Variants in SMIM27 observed in about 807,000 individuals in gnomAD.
SMIM27 encodes transition zone microprotein 1.
A neutral mutation model predicts 1.8 loss-of-function variants in SMIM27; 3 were observed. The ratio of observed to expected loss-of-function variants is 1.65; its 90% CI spans 0.75 to 4.28. The LOEUF (loss-of-function observed/expected upper bound fraction) is 4.28. Ranked by LOEUF, SMIM27 falls within the 30% of genes most tolerant of loss-of-function variation. SMIM27 has a pLI of 0.02. For synonymous variants in SMIM27, 19 were observed against 13.9 expected, an observed-to-expected ratio of 1.37 and a Z score of -0.82; for missense variants, 63 against 37.0, an observed-to-expected ratio of 1.70 and a Z score of -1.83.
chr9:32,560,425 A>T (rs925770892), intron 1 of SMIM27, among the ~76,000 whole-genome samples: 3 of 152,236 alleles, frequency 2.0e-5, no homozygotes, highest in African/African-American at 7.2e-5. Context: ...AAATTTAGAT[A>T]TGATAAAGTA....
chr9:32,551,751 C>G, upstream of SMIM27: 1 of 441,708 alleles, frequency 2.3e-6, no homozygotes, highest in Non-Finnish European at 4.6e-6. Context: ...CGCGGCAGTT[C>G]AAGAACATCA....
exon 2 of SMIM27, chr9:32,566,718 C>T: frequency 1.2e-6 from 1 of 861,210 alleles, no homozygotes; most frequent in Non-Finnish European, 2.0e-6. Flanking sequence ...ATTCCAAAAT[C>T]GGGACTCCAA....
downstream of SMIM27, chr9:32,553,844 G>A: frequency 2.2e-6 from 3 of 1,389,916 alleles, no homozygotes; most frequent in Non-Finnish European, 3.0e-6. Flanking sequence ...ACAAACTTAG[G>A]CTCATAAGCC....
At chr9:32,566,044 T>C (rs1057008847) in intron 1 of SMIM27, 1 of 359,946 alleles carries the variant, frequency 2.8e-6, no homozygotes, top group Admixed American at 4.1e-5. Flanking sequence ...TTTTTTAAGG[T>C]TTTTTCCAGG....
rs1415175825 is a variant in SMIM27 at position 32,552,487 on chromosome 9, C to T, written c.45+8C>T. ...GACTGGATTTATTCAGTGGTAAGTC[C>T]CGGGGATCGCGGGCCCCCACCGTGT... On this transcript the variant is annotated splice_region_variant and intron_variant, in intron 1 of 1. Transcript: ENST00000692500. 1 of 1,586,236 alleles carries T rather than the reference C, an allele frequency of 6.3e-7. No homozygotes were observed.
At chr9:32,565,481 A>G (rs1432949587) in intron 1 of SMIM27, 4 of 152,176 alleles carry the variant, frequency 2.6e-5, no homozygotes, top group Admixed American at 2.0e-4. Flanking sequence ...TTGTCCCTCA[A>G]ACAAGAGTGG....
downstream of SMIM27, chr9:32,553,215 G>C (rs904235457): frequency 4.5e-5 from 11 of 245,408 alleles, no homozygotes; most frequent in African/African-American, 2.1e-4. Flanking sequence ...TTTTTTTTGA[G>C]ACGGAGTCTT....
chr9:32,553,992 GGT>G (rs1454250042), downstream of SMIM27: 1 of 1,198,588 alleles, frequency 8.3e-7, no homozygotes, highest in Non-Finnish European at 1.2e-6. Flanking sequence ...AGTCTACAGA[GGT>G]GATAGTTCTA....
intron 1 of SMIM27, among the ~76,000 whole-genome samples, chr9:32,565,084 G>A (rs1292044645): frequency 6.6e-6 from 1 of 152,104 alleles, no homozygotes; most frequent in Non-Finnish European, 1.5e-5. Context: ...CTTGAGGTCA[G>A]GAGTTCAAGA....
At chr9:32,558,669 G>A (rs754894052) in intron 1 of SMIM27, among the ~76,000 whole-genome samples, 6 of 152,058 alleles carry the variant, frequency 3.9e-5, no homozygotes, top group Non-Finnish European at 8.8e-5. Context: ...CACAAAACAC[G>A]TTTTACAGCC....
intron 1 of SMIM27, among the ~76,000 whole-genome samples, chr9:32,565,970 C>T (rs1821773793): frequency 6.6e-6 from 1 of 151,766 alleles, no homozygotes; most frequent in African/African-American, 2.4e-5. Context: ...GAAACTCCAC[C>T]TACAAAAAAC....
chr9:32,558,542 G>A (rs912720494), intron 1 of SMIM27, among the ~76,000 whole-genome samples: 11 of 152,184 alleles, frequency 7.2e-5, no homozygotes, highest in African/African-American at 2.7e-4. Context: ...AAATTCAGTT[G>A]CTGTCACCAT....
chr9:32,562,627 A>T (rs967909915), intron 1 of SMIM27, among the ~76,000 whole-genome samples: 13 of 152,226 alleles, frequency 8.5e-5, no homozygotes, highest in Non-Finnish European at 1.8e-4. Flanking sequence ...ACTTTATAGT[A>T]AATTGCTGAC....
chr9:32,551,874 G>C (rs1821275586), upstream of SMIM27: 1 of 399,168 alleles, frequency 2.5e-6, no homozygotes, highest in Admixed American at 2.7e-5. Flanking sequence ...AGAATGGCTC[G>C]ATTTACAGGG....
chr9:32,566,218 T>C (rs918700963), intron 1 of SMIM27: 7 of 840,792 alleles, frequency 8.3e-6, no homozygotes, highest in Admixed American at 5.2e-5. Flanking sequence ...GTTCAGGTCA[T>C]AGCTGGTTTT....
At chr9:32,566,852 G>T (rs570321523) in exon 2 of SMIM27, 2 of 803,762 alleles carry the variant, frequency 2.5e-6, no homozygotes, top group East Asian at 6.0e-5. Flanking sequence ...AGTAGCTGCC[G>T]GGCGGCCTGG....
At chr9:32,559,556 T>C (rs750138560) in intron 1 of SMIM27, among the ~76,000 whole-genome samples, 15 of 152,184 alleles carry the variant, frequency 9.9e-5, no homozygotes, top group Non-Finnish European at 1.6e-4. Flanking sequence ...AGGAGTCCAA[T>C]TCAGTCAAGC....
At chr9:32,556,032 A>C (rs1175715048), downstream of SMIM27, among the ~76,000 whole-genome samples, 3 of 152,226 alleles carry the variant, frequency 2.0e-5, no homozygotes, top group Non-Finnish European at 4.4e-5. Context: ...GATCAACAGA[A>C]GTCATATATA....
At chr9:32,566,347 G>A in intron 1 of SMIM27, 2 of 1,174,928 alleles carry the variant, frequency 1.7e-6, no homozygotes, top group Non-Finnish European at 2.6e-6. Context: ...GCTTCCACCA[G>A]TGTAGGAATG....
Sources: gnomAD v4.1 joint callset for allele counts (sites outside exome capture counted in the v4.1 genomes callset) on GRCh38, gnomAD v4.1.1 for gene constraint, MANE v1.5 for transcripts, NCBI Gene and HGNC (gene_info 2026-07-23, HGNC 2026-07-21) for gene names.